Variants in TSHZ2 observed in about 807,000 individuals in gnomAD.
TSHZ2 encodes the protein teashirt homolog 2.
Under a neutral mutation model 74.4 loss-of-function variants are expected in TSHZ2, and 21 were observed. That is an observed-to-expected ratio of 0.28 (90% CI 0.20 to 0.41). The LOEUF is 0.41. TSHZ2 is among the 10% of genes least tolerant of loss of function. TSHZ2 has a pLI of 1.00. For synonymous variants in TSHZ2, 540 were observed against 515.3 expected (o/e 1.05, Z -0.65); for missense variants, 1,244 against 1,293.5 (o/e 0.96, Z 0.59).
At chr20:52,992,800 G>A (rs1168777722) in intron 1 of TSHZ2, among the ~76,000 whole-genome samples, 1 of 152,190 alleles carries the variant, frequency 6.6e-6, no homozygotes, top group East Asian at 1.9e-4. Context: ...TTAAACAAAT[G>A]TGAGTCCTTT....
At chr20:52,995,220 GTAAGCTCCATCTTTGATGTT>G (rs1982137505) in intron 1 of TSHZ2, among the ~76,000 whole-genome samples, 1 of 152,208 alleles carries the variant, frequency 6.6e-6, no homozygotes, top group African/African-American at 2.4e-5. Flanking sequence ...TGGAGTTGGG[GTAAGCTCCATCTTTGATGTT>G]TTTTAACCTC....
intron 2 of TSHZ2, among the ~76,000 whole-genome samples, chr20:53,269,248 T>C (rs970250766): frequency 1.3e-5 from 2 of 152,078 alleles, no homozygotes. Flanking sequence ...AAAAAACCCT[T>C]TCATTTACTT....
At chr20:53,354,053 G>A (rs1005033264) in intron 2 of TSHZ2, among the ~76,000 whole-genome samples, 3 of 152,190 alleles carry the variant, frequency 2.0e-5, no homozygotes, top group African/African-American at 4.8e-5. Flanking sequence ...TAATGCCGTC[G>A]TAGGCACCAT....
intron 1 of TSHZ2, among the ~76,000 whole-genome samples, chr20:53,005,337 CAAAT>C (rs1295191654): frequency 4.7e-5 from 7 of 149,098 alleles, no homozygotes; most frequent in Non-Finnish European, 6.1e-5. Context: ...AATAAATAAA[CAAAT>C]AAGCCAGGTT....
intron 1 of TSHZ2, among the ~76,000 whole-genome samples, chr20:53,189,859 A>C (rs1988684793): frequency 1.3e-5 from 2 of 151,682 alleles, no homozygotes; most frequent in South Asian, 4.2e-4. Context: ...CAAGGTGGGC[A>C]GATTGCTTAA....
chr20:53,205,306 G>A (rs1285422693), intron 1 of TSHZ2, among the ~76,000 whole-genome samples: 1 of 152,138 alleles, frequency 6.6e-6, no homozygotes, highest in Non-Finnish European at 1.5e-5. Context: ...ATGCATTTCA[G>A]CCCAGAAATT....
rs1473112787 is a variant in TSHZ2, at chr20:53,347,648, AACTTTT to A, written c.*8+91083_*8+91088del. 3.4e-3 allele frequency among the ~76,000 whole-genome samples: 517 copies of A among 150,884 alleles called. 3 individuals are homozygous for A. The highest frequency in any genetic ancestry group is 0.012 in the African/African-American group (485 of 40,910). ...CATCTTTTTTACTTTTTTTTTTTCC[AACTTTT>A]ACTTTAAGTTTGAGGGTGCATGTTC... is the stretch of plus-strand genomic sequence containing the variant. On this transcript the variant is annotated intron_variant, in intron 2 of 2. Coordinates refer to ENST00000371497, the MANE Select transcript of TSHZ2 (RefSeq NM_173485.6).
intron 2 of TSHZ2, among the ~76,000 whole-genome samples, chr20:53,266,500 T>G (rs1027295174): frequency 2.6e-5 from 4 of 152,220 alleles, no homozygotes; most frequent in African/African-American, 9.6e-5. Flanking sequence ...GTTCTCTCAA[T>G]GCACCTATGC....
intron 2 of TSHZ2, among the ~76,000 whole-genome samples, chr20:53,483,173 G>A (rs1263873836): frequency 2.0e-5 from 3 of 152,108 alleles, no homozygotes; most frequent in Middle Eastern, 3.2e-3. Flanking sequence ...AGTGGCTCAC[G>A]CCTGTAATCT....
At chr20:53,370,060 G>A (rs1018220146) in intron 2 of TSHZ2, among the ~76,000 whole-genome samples, 5 of 152,132 alleles carry the variant, frequency 3.3e-5, no homozygotes, top group African/African-American at 4.8e-5. Context: ...AGGTGGGAGT[G>A]TCACGGTGTC....
chr20:53,161,583 A>G lies in TSHZ2; in HGVS notation c.41-91916A>G, dbSNP rs952066190. ...GCAGAAGGCAAAGGAGAATCAAGTA[A>G]CTTCTTCATAAGGCAGCAGGAAAAG... is the stretch of plus-strand genomic sequence containing the variant. On this transcript the variant is annotated intron_variant, in intron 1 of 2. Transcript: ENST00000371497. Among the ~76,000 whole-genome samples, 68 of 152,206 alleles carry G rather than the reference A, an allele frequency of 4.5e-4. 1 individual carries two copies. The highest frequency in any genetic ancestry group is 9.1e-4 in the Non-Finnish European group (62 of 68,038).
Position 53,145,678 on chromosome 20 carries a change from A to T in TSHZ2, c.41-107821A>T, listed in dbSNP as rs185761187. 2.0e-5 allele frequency among the ~76,000 whole-genome samples: 3 copies of T among 152,290 alleles called. No individual in the cohort carries two copies. The East Asian group carries it at 5.8e-4, about 29-fold the overall frequency. On this transcript the variant is annotated intron_variant, in intron 1 of 2. Transcript: ENST00000371497. ...GTTTTTAACCAAATCTTCATCTGTC[A>T]TTGCTTGGAAGCTTCTAGGGGCATT...
chr20:53,155,063 T>TA (rs1987762692), intron 1 of TSHZ2, among the ~76,000 whole-genome samples: 1 of 151,186 alleles, frequency 6.6e-6, no homozygotes, highest in African/African-American at 2.4e-5. Flanking sequence ...TTTTTTTTTT[T>TA]TTTTTTTTTT....
intron 2 of TSHZ2, among the ~76,000 whole-genome samples, chr20:53,359,859 A>G (rs1980987723): frequency 6.6e-6 from 1 of 152,238 alleles, no homozygotes. Context: ...GATGGTGAGC[A>G]ACAAAACCAG....
At chr20:53,457,783 T>C (rs1308585139) in intron 2 of TSHZ2, among the ~76,000 whole-genome samples, 3 of 152,004 alleles carry the variant, frequency 2.0e-5, no homozygotes, top group Non-Finnish European at 2.9e-5. Context: ...TGTTGAATTT[T>C]GTCAAAGGCC....
intron 1 of TSHZ2, among the ~76,000 whole-genome samples, chr20:52,993,902 G>C (rs76218143): frequency 6.6e-6 from 1 of 152,182 alleles, no homozygotes; most frequent in Non-Finnish European, 1.5e-5. Context: ...GAGGAGCAAA[G>C]GGAAGTTTGT....
intron 1 of TSHZ2, among the ~76,000 whole-genome samples, chr20:53,021,463 A>C (rs1983244280): frequency 6.6e-6 from 1 of 152,170 alleles, no homozygotes; most frequent in Admixed American, 6.5e-5. Context: ...GCTGAATCAA[A>C]TTGGGTTTGC....
chr20:53,051,457 G>GCA (rs11474223), intron 1 of TSHZ2, among the ~76,000 whole-genome samples: 9,480 of 145,080 alleles, frequency 0.065, 446 homozygotes, highest in Admixed American at 0.13. Context: ...TGTGGCGCAC[G>GCA]CACACACACA....
chr20:53,082,554 C>G (rs1985570572), intron 1 of TSHZ2, among the ~76,000 whole-genome samples: 1 of 152,154 alleles, frequency 6.6e-6, no homozygotes, highest in African/African-American at 2.4e-5. Flanking sequence ...ACATTTTAAG[C>G]CAAAGTACAT....
Sources: allele counts gnomAD v4.1 joint callset (sites outside exome capture counted in the v4.1 genomes callset), GRCh38; gene constraint gnomAD v4.1.1; transcripts MANE v1.5; gene names NCBI Gene and HGNC (gene_info 2026-07-23, HGNC 2026-07-21).